The following NAV2 variants were observed in gnomAD, a reference collection of about 807,000 sequenced individuals.
NAV2 encodes the protein helicase, APC down-regulated 1.
NAV2 carries 54 observed loss-of-function variants against 223.2 expected under a neutral mutation model. The observed-to-expected ratio is 0.24, with a 90% confidence interval of 0.19 to 0.30. NAV2 has a LOEUF of 0.30. Among genes scored for constraint, NAV2 ranks in the 10% least tolerant of loss-of-function variants. The pLI, the probability that NAV2 is intolerant of heterozygous loss-of-function variation, is 1.00. For synonymous variants in NAV2, 1,279 were observed against 1,239.3 expected, an observed-to-expected ratio of 1.03 and a Z score of -0.67; for missense variants, 2,806 against 3,147.5, an observed-to-expected ratio of 0.89 and a Z score of 2.60.
In NAV2 at chr11:19,385,753, C is replaced by CTTTT. The variant is rs201669772; in HGVS notation, c.75+34749_75+34752dup. 9.8e-4 allele frequency among the ~76,000 whole-genome samples: 110 copies of CTTTT among 112,758 alleles called. 8 individuals are homozygous for CTTTT. Among genetic ancestry groups the CTTTT allele is most frequent in the South Asian group, 4.7e-3 (15 of 3,166 alleles). 74.0% of individuals were successfully genotyped at this position (112,758 alleles called of 152,430 possible). On this transcript the variant is annotated intron_variant, in intron 1 of 37. Coordinates refer to the NAV2 transcript ENST00000360655. ...CTCAACTGCTTTTTCAATATAGCTC[C>CTTTT]TTTTTTTTTTTTTTTTTTTTTTTTT...
At chr11:19,816,268 C>T in intron 1 of NAV2, among the ~76,000 whole-genome samples, 1 of 152,218 alleles carries the variant, frequency 6.6e-6, no homozygotes, top group Non-Finnish European at 1.5e-5. Context: ...ATTCCTAGGG[C>T]CGGGCAGCGC....
chr11:20,094,046 G>C (rs1460378841), intron 29 of NAV2, among the ~76,000 whole-genome samples: 2 of 152,064 alleles, frequency 1.3e-5, no homozygotes, highest in African/African-American at 4.8e-5. Flanking sequence ...CCTTTCTTAG[G>C]GGATTCAGCT....
chr11:19,540,003 G>A (rs1426780249), intron 1 of NAV2, among the ~76,000 whole-genome samples: 2 of 152,176 alleles, frequency 1.3e-5, no homozygotes, highest in African/African-American at 4.8e-5. Context: ...TTATGTGCCT[G>A]CTTTACTGGA....
intron 17 of NAV2, among the ~76,000 whole-genome samples, chr11:20,051,961 G>A (rs1591861205): frequency 1.3e-5 from 2 of 152,140 alleles, no homozygotes; most frequent in East Asian, 1.9e-4. Context: ...GCTCAGGTTC[G>A]TTTTTGGTGC....
intron 1 of NAV2, among the ~76,000 whole-genome samples, chr11:19,380,121 G>A (rs1318382546): frequency 3.9e-5 from 6 of 151,994 alleles, no homozygotes; most frequent in Non-Finnish European, 4.4e-5. Context: ...CATGTTACTT[G>A]CAGTTAACCA....
intron 1 of NAV2, among the ~76,000 whole-genome samples, chr11:19,515,856 G>T (rs1048094487): frequency 6.6e-6 from 1 of 152,198 alleles, no homozygotes; most frequent in Non-Finnish European, 1.5e-5. Context: ...GTTGGTTGAT[G>T]GGATGAGGCA....
chr11:19,977,806 T>C (rs796802646), intron 10 of NAV2, among the ~76,000 whole-genome samples: 35 of 142,738 alleles, frequency 2.5e-4, no homozygotes, highest in South Asian at 4.5e-4. Flanking sequence ...TTCTTTTTTT[T>C]TTTTTTTTTT....
intron 1 of NAV2, among the ~76,000 whole-genome samples, chr11:19,589,311 T>C (rs112249139): frequency 1.3e-5 from 2 of 152,170 alleles, no homozygotes; most frequent in African/African-American, 2.4e-5. Context: ...GTAGGAGCTA[T>C]CCTGACTTTA....
At chr11:19,403,872 ACT>A (rs1849783559) in intron 1 of NAV2, among the ~76,000 whole-genome samples, 2 of 109,322 alleles carry the variant, frequency 1.8e-5, no homozygotes, top group Non-Finnish European at 4.1e-5. Context: ...TAAAATCAGG[ACT>A]CTCTGATAAG....
At chr11:19,402,223 C>A (rs564420624) in intron 1 of NAV2, among the ~76,000 whole-genome samples, 4 of 152,180 alleles carry the variant, frequency 2.6e-5, no homozygotes, top group Non-Finnish European at 5.9e-5. Flanking sequence ...TGGAGCAAGA[C>A]CACCTGGTTC....
At chr11:19,535,687 C>T (rs576115907) in intron 1 of NAV2, among the ~76,000 whole-genome samples, 1 of 152,274 alleles carries the variant, frequency 6.6e-6, no homozygotes. Flanking sequence ...CTCATCATTC[C>T]TGAGCTGAAC....
intron 1 of NAV2, among the ~76,000 whole-genome samples, chr11:19,431,585 A>G (rs1173570039): frequency 1.3e-5 from 2 of 152,164 alleles, no homozygotes; most frequent in Admixed American, 1.3e-4. Context: ...TGCTGACCCC[A>G]TCCTTCTTGG....
At chr11:19,978,250 T>C (rs187675642) in intron 10 of NAV2, among the ~76,000 whole-genome samples, 1 of 152,294 alleles carries the variant, frequency 6.6e-6, no homozygotes, top group Non-Finnish European at 1.5e-5. Flanking sequence ...AAAGGGATTC[T>C]TTTCCAGGTC....
At chr11:19,681,676 T>A (rs2152227539) in intron 1 of NAV2, among the ~76,000 whole-genome samples, 1 of 152,328 alleles carries the variant, frequency 6.6e-6, no homozygotes, top group South Asian at 2.1e-4. Flanking sequence ...CTGGCCAGCC[T>A]TTGGCAAGTC....
chr11:19,472,959 C>T (rs138753286), intron 1 of NAV2, among the ~76,000 whole-genome samples: 5 of 152,314 alleles, frequency 3.3e-5, no homozygotes, highest in Admixed American at 1.3e-4. Context: ...CTTTGTGCTG[C>T]AGGCCAGCAA....
Position 19,611,388 on chromosome 11 carries a change from C to T in NAV2, c.76-221096C>T, listed in dbSNP as rs140476164. ...ACTAATCATTCCTTCCCGACAGTCC[C>T]CCAAAGTCTTATTTCAGCATTAACC... On this transcript the variant is annotated intron_variant, in intron 1 of 37. Coordinates refer to the NAV2 transcript ENST00000360655. Among the ~76,000 whole-genome samples, 854 of 152,248 alleles carry T rather than the reference C, an allele frequency of 5.6e-3. 10 individuals carry two copies. Among genetic ancestry groups the T allele is most frequent in the Non-Finnish European group, 7.6e-3 (520 of 68,014 alleles).
At chr11:19,354,205 A>G (rs1470044705) in intron 1 of NAV2, among the ~76,000 whole-genome samples, 1 of 152,202 alleles carries the variant, frequency 6.6e-6, no homozygotes, top group East Asian at 1.9e-4. Context: ...TATAAACCAG[A>G]CATACAAAGC....
intron 1 of NAV2, among the ~76,000 whole-genome samples, chr11:19,707,396 T>C (rs918104313): frequency 6.6e-6 from 1 of 152,252 alleles, no homozygotes; most frequent in Admixed American, 6.5e-5. Flanking sequence ...TTCTATTAGT[T>C]ATTTTTTTAA....
At chr11:20,034,843 G>T (rs904765454) in intron 11 of NAV2, among the ~76,000 whole-genome samples, 3 of 152,198 alleles carry the variant, frequency 2.0e-5, no homozygotes, top group Admixed American at 2.0e-4. Context: ...TCTGAAAGAT[G>T]AGAGGAGGCA....
Sources: gnomAD v4.1 joint callset for allele counts (sites outside exome capture counted in the v4.1 genomes callset) on GRCh38, gnomAD v4.1.1 for gene constraint, MANE v1.5 for transcripts, NCBI Gene and HGNC (gene_info 2026-07-23, HGNC 2026-07-21) for gene names.